Variants in ARHGEF28 observed in about 807,000 individuals in gnomAD.
ARHGEF28 encodes Rho guanine nucleotide exchange factor 28, also known as 190 kDa guanine nucleotide exchange factor.
ARHGEF28 carries 152 observed loss-of-function variants against 206.6 expected under a neutral mutation model. That is an observed-to-expected ratio of 0.74 (90% CI 0.64 to 0.84). ARHGEF28 has a LOEUF of 0.84. ARHGEF28 is among the 40% of genes least tolerant of loss of function. ARHGEF28 has a pLI of 0.00. For synonymous variants in ARHGEF28, 763 were observed against 776.4 expected (o/e 0.98, Z 0.29); for missense variants, 2,028 against 2,073.2 (o/e 0.98, Z 0.42).
rs200118164 is a variant in ARHGEF28, at chr5:73,886,053, C to T, written c.3259C>T (p.Leu1087=). ...KQALMSEERT[L]LYDGLVYWKT... ...GGCACTGATGAGTGAAGAAAGGACTCTGTTATATGATGGCCTTGTTTACTG... is the reference window on the plus strand; with the variant it reads ...GGCACTGATGAGTGAAGAAAGGACTTTGTTATATGATGGCCTTGTTTACTG... The change falls in exon 25 of 36, where the codon CTG becomes TTG. Residue 1087 remains leucine (L), a synonymous_variant. Coordinates refer to ENST00000513042, the MANE Select transcript of ARHGEF28 (RefSeq NM_001177693.2). 867 of 1,613,918 alleles carry T rather than the reference C, an allele frequency of 5.4e-4. 2 individuals are homozygous for T. Among genetic ancestry groups the T allele is most frequent in the Non-Finnish European group, 6.8e-4 (807 of 1,179,864 alleles).
chr5:73,873,065 G>A lies in ARHGEF28; in HGVS notation c.2633G>A (p.Gly878Asp), dbSNP rs569480364. 1 of 1,613,634 alleles carries A rather than the reference G, an allele frequency of 6.2e-7. No homozygotes were observed. Among genetic ancestry groups the A allele is most frequent in the East Asian group, 2.2e-5 (1 of 44,874 alleles). Residue 878 changes from glycine to aspartate, a missense_variant, in exon 22 of 36, where the codon GGC becomes GAC. By Grantham distance (94) the Gly-to-Asp change is moderately conservative (BLOSUM62 -1). Around this residue, in one of 3 missense-constraint regions of ARHGEF28, gnomAD observed 223 missense variants for 289.9 expected, o/e 0.77. Coordinates refer to ENST00000513042, the MANE Select transcript of ARHGEF28 (RefSeq NM_001177693.2). ...LFIMSEIFRK[G>D]MKEELQLDHS... ...ATCATGTCTGAGATCTTCAGGAAAG[G>A]CATGAAAGAGGAGCTGCAGCTGGAC...
chr5:73,792,458 C>T lies in ARHGEF28; in HGVS notation c.911-1944C>T, dbSNP rs1754534989. On this transcript the variant is annotated intron_variant, in intron 7 of 35. Coordinates refer to ENST00000513042, the MANE Select transcript of ARHGEF28 (RefSeq NM_001177693.2). ...CAATCTGGATAAAATGTGTACTGTTCTTCCGAATAAATGCTGTATGTACAG... is the reference window on the plus strand; with the variant it reads ...CAATCTGGATAAAATGTGTACTGTTTTTCCGAATAAATGCTGTATGTACAG... 2.0e-5 allele frequency among the ~76,000 whole-genome samples: 3 copies of T among 152,092 alleles called. No individual in the cohort carries two copies. The South Asian group carries it at 6.2e-4, about 32-fold the overall frequency.
chr5:73,887,463 G>A (rs762489227), intron 25 of ARHGEF28, 140 bp from the exon 26 acceptor site: 5 of 624,568 alleles, frequency 8.0e-6, no homozygotes, highest in Non-Finnish European at 1.3e-5. Flanking sequence ...GTTATTAATA[G>A]CATATATCTT....
intron 26 of ARHGEF28, among the ~76,000 whole-genome samples, chr5:73,888,245 A>G (rs1230206115): frequency 4.6e-5 from 7 of 152,188 alleles, no homozygotes; most frequent in African/African-American, 1.7e-4. Flanking sequence ...ATTCTTTCTT[A>G]TTTTTACTAT....
intron 22 of ARHGEF28, 56 bp from the exon 23 acceptor site, chr5:73,882,416 T>C (rs1761010858): frequency 2.5e-6 from 3 of 1,199,610 alleles, no homozygotes; most frequent in East Asian, 5.9e-5. Context: ...GCATATTTTT[T>C]GTGTGTTTAG....
chr5:73,824,296 C>T (rs542175225), intron 9 of ARHGEF28, among the ~76,000 whole-genome samples: 5 of 152,240 alleles, frequency 3.3e-5, no homozygotes, highest in South Asian at 2.1e-4. Context: ...AGACCCTAGT[C>T]GGGAAGTTAC....
intron 35 of ARHGEF28, among the ~76,000 whole-genome samples, chr5:73,935,584 C>A (rs1466472156): frequency 1.3e-5 from 2 of 152,214 alleles, no homozygotes; most frequent in East Asian, 3.9e-4. Flanking sequence ...ATAGGGATTG[C>A]CAGTAATGCC....
Position 73,713,119 on chromosome 5 carries a change from G to A in ARHGEF28, c.33+28235G>A, listed in dbSNP as rs117220790. ...TTTATATGAAAATGAAGTATTTGAG[G>A]CAGTCAATATTCTAATTGTGAAAAA... On this transcript the variant is annotated intron_variant, in intron 2 of 35. Transcript: ENST00000513042. 7.4e-4 allele frequency among the ~76,000 whole-genome samples: 113 copies of A among 152,104 alleles called. No homozygotes were observed. The East Asian group carries it at 0.018, about 24-fold the overall frequency.
chr5:73,699,626 C>T (rs1010304303), intron 2 of ARHGEF28, among the ~76,000 whole-genome samples: 5 of 151,976 alleles, frequency 3.3e-5, no homozygotes, highest in South Asian at 2.1e-4. Context: ...TGAGCAGAGG[C>T]GTGCTGATGG....
At chr5:73,715,583 C>T (rs1344701947) in intron 2 of ARHGEF28, among the ~76,000 whole-genome samples, 1 of 152,078 alleles carries the variant, frequency 6.6e-6, no homozygotes, top group Non-Finnish European at 1.5e-5. Flanking sequence ...TCTACAATAC[C>T]TTAAAGTTTC....
chr5:73,865,868 T>C (rs1759672233), intron 17 of ARHGEF28, 97 bp from the exon 18 acceptor site: 1 of 880,926 alleles, frequency 1.1e-6, no homozygotes, highest in Non-Finnish European at 1.7e-6. Context: ...ACAAAAATGA[T>C]ATAGATAAGA....
intron 14 of ARHGEF28, 78 bp downstream of exon 14, chr5:73,852,770 C>A: frequency 6.9e-7 from 1 of 1,457,500 alleles, no homozygotes; most frequent in African/African-American, 1.4e-5. Flanking sequence ...TTTTTGCTAT[C>A]TGTTCACTAG....
intron 35 of ARHGEF28, chr5:73,923,301 C>A: frequency 1.3e-6 from 1 of 762,152 alleles, no homozygotes; most frequent in Non-Finnish European, 2.0e-6. Flanking sequence ...AAATCAAATA[C>A]TAAATTTGTC....
intron 22 of ARHGEF28, among the ~76,000 whole-genome samples, chr5:73,880,716 T>G (rs1760867671): frequency 6.6e-6 from 1 of 152,204 alleles, no homozygotes; most frequent in Non-Finnish European, 1.5e-5. Context: ...ATGGATCACT[T>G]GAGCTCAAGA....
At chr5:73,808,457 C>G (rs1755643787) in intron 9 of ARHGEF28, among the ~76,000 whole-genome samples, 1 of 152,136 alleles carries the variant, frequency 6.6e-6, no homozygotes, top group Non-Finnish European at 1.5e-5. Flanking sequence ...AACATAGCCT[C>G]CCTGTGAAAG....
chr5:73,832,199 A>G lies in ARHGEF28; in HGVS notation c.1025-139A>G, dbSNP rs1026627842. On this transcript the variant is annotated intron_variant, in intron 9 of 35. Transcript: ENST00000513042. ...TGGATATAGATGAAAAATTACTTGC[A>G]TGTAGATCTTAAAATCTAGCCAAAA... 46 of 1,080,222 alleles carry G rather than the reference A, an allele frequency of 4.3e-5. No individual in the cohort carries two copies. In the African/African-American group the frequency reaches 6.5e-4, roughly 15 times the overall value. The allele number at this position is 1,080,222 out of a possible 1,614,324, so 66.9% of individuals were successfully genotyped here.
At chr5:73,676,031 G>T (rs555606072) in intron 1 of ARHGEF28, among the ~76,000 whole-genome samples, 1 of 150,094 alleles carries the variant, frequency 6.7e-6, no homozygotes, top group African/African-American at 2.4e-5. Flanking sequence ...GATTGACTCC[G>T]CACCATACAA....
At chr5:73,675,111 C>T (rs142236401) in intron 1 of ARHGEF28, among the ~76,000 whole-genome samples, 106 of 152,238 alleles carry the variant, frequency 7.0e-4, no homozygotes, top group African/African-American at 2.5e-3. Flanking sequence ...CTTGCATTGG[C>T]ATCAGAAATG....
At chr5:73,655,063 T>G (rs1174949483) in intron 1 of ARHGEF28, among the ~76,000 whole-genome samples, 2 of 152,244 alleles carry the variant, frequency 1.3e-5, no homozygotes, top group East Asian at 3.8e-4. Flanking sequence ...CAGTGGCCTA[T>G]TCACTTCAAT....
Sources: gnomAD v4.1 joint callset for allele counts (sites outside exome capture counted in the v4.1 genomes callset) on GRCh38, gnomAD v4.1.1 for gene constraint, gnomAD v4.1.1 regional missense constraint, MANE v1.5 for transcripts, NCBI Gene and HGNC (gene_info 2026-07-23, HGNC 2026-07-21) for gene names.